Variants in SGCD observed in about 807,000 individuals in gnomAD.
SGCD encodes sarcoglycan delta, also known as delta-sarcoglycan.
SGCD carries 18 observed loss-of-function variants against 36.6 expected under a neutral mutation model. The ratio of observed to expected loss-of-function variants is 0.49; its 90% CI spans 0.34 to 0.73. The LOEUF is 0.73. Ranked by LOEUF, SGCD falls within the 30% of genes least tolerant of loss-of-function variation. The pLI is 0.01. For synonymous variants in SGCD, 133 were observed against 130.6 expected, an observed-to-expected ratio of 1.02 and a Z score of -0.12; for missense variants, 387 against 346.7, an observed-to-expected ratio of 1.12 and a Z score of -0.92.
At chr5:155,823,922 A>T in the SGCD span, among the ~76,000 whole-genome samples, 2 of 152,206 alleles carry the variant, frequency 1.3e-5, no homozygotes, top group Non-Finnish European at 1.5e-5. Context: ...CCGCATGAGG[A>T]CAGCTGGAAC....
chr5:156,717,656 A>G (rs922038773), intron 7 of SGCD, among the ~76,000 whole-genome samples: 1 of 152,082 alleles, frequency 6.6e-6, no homozygotes, highest in Non-Finnish European at 1.5e-5. Flanking sequence ...AACATATCCA[A>G]CCACCTCCAT....
intron 1 of SGCD, among the ~76,000 whole-genome samples, chr5:155,918,829 T>G (rs1355675520): frequency 6.6e-6 from 1 of 152,250 alleles, no homozygotes; most frequent in African/African-American, 2.4e-5. Context: ...GCCTAAATTT[T>G]CATGTTTTAT....
chr5:155,767,730 CTGT>C, the SGCD span, among the ~76,000 whole-genome samples: 1 of 152,176 alleles, frequency 6.6e-6, no homozygotes, highest in Admixed American at 6.5e-5. Context: ...CATGCATCAT[CTGT>C]TGTTCTGATT....
chr5:156,116,257 G>T (rs1761902868), intron 1 of SGCD, among the ~76,000 whole-genome samples: 1 of 151,904 alleles, frequency 6.6e-6, no homozygotes, highest in African/African-American at 2.4e-5. Context: ...TGATCTCATA[G>T]ATTTAAATAT....
intron 1 of SGCD, among the ~76,000 whole-genome samples, chr5:156,081,842 G>A (rs186519403): frequency 2.7e-3 from 410 of 152,236 alleles, no homozygotes; most frequent in Non-Finnish European, 3.9e-3. Flanking sequence ...TAATGTGCAC[G>A]GAGGATACAA....
intron 3 of SGCD, among the ~76,000 whole-genome samples, chr5:156,234,446 T>A (rs1320051974): frequency 1.3e-5 from 2 of 152,190 alleles, no homozygotes; most frequent in Non-Finnish European, 1.5e-5. Context: ...GAGGCTTGAC[T>A]CCTTCTCTAA....
rs117611392 is a variant in SGCD, at chr5:156,392,178, G to A, written c.192+47501G>A. Among the ~76,000 whole-genome samples, 117 of 152,286 alleles carry A rather than the reference G, an allele frequency of 7.7e-4. 2 individuals carry two copies. In the East Asian group the frequency reaches 0.017, roughly 22 times the overall value. ...CATCTCAGTATAACAGTGATAGATA[G>A]CAACAAGACACTCATATCTACCCCA... On this transcript the variant is annotated intron_variant, in intron 3 of 8. Coordinates refer to ENST00000337851, the MANE Select transcript of SGCD (RefSeq NM_000337.6).
At chr5:155,926,331 G>A (rs1756997548) in intron 1 of SGCD, among the ~76,000 whole-genome samples, 1 of 152,154 alleles carries the variant, frequency 6.6e-6, no homozygotes, top group Non-Finnish European at 1.5e-5. Context: ...TGTGCCGCCT[G>A]TGGCTGTTCA....
At chr5:156,537,812 G>T (rs547018398) in intron 4 of SGCD, among the ~76,000 whole-genome samples, 1 of 150,766 alleles carries the variant, frequency 6.6e-6, no homozygotes, top group Admixed American at 6.6e-5. Context: ...GAAAATGTTG[G>T]TATTCACCCA....
At chr5:156,355,873 G>A (rs889775265) in intron 3 of SGCD, among the ~76,000 whole-genome samples, 3 of 152,314 alleles carry the variant, frequency 2.0e-5, no homozygotes, top group Non-Finnish European at 4.4e-5. Flanking sequence ...CTGAACTCAA[G>A]TGATTTGCCT....
Position 156,588,530 on chromosome 5 carries a change from C to T in SGCD, c.295-701C>T, listed in dbSNP as rs574733233. ...TCAAGACTTTCAATAAAAAGTGTGC[C>T]AAGCCCTATTCTGAGTCATGCCCAG... is the stretch of plus-strand genomic sequence containing the variant. On this transcript the variant is annotated intron_variant, in intron 4 of 8. Transcript: ENST00000337851. 2.0e-5 allele frequency among the ~76,000 whole-genome samples: 3 copies of T among 152,250 alleles called. No homozygotes were observed. The South Asian group carries it at 6.2e-4, about 32-fold the overall frequency.
chr5:156,711,071 A>T lies in SGCD; in HGVS notation c.576-46510A>T, dbSNP rs1010609577. 5.3e-4 allele frequency among the ~76,000 whole-genome samples: 81 copies of T among 152,136 alleles called. 1 individual carries two copies. The highest frequency in any genetic ancestry group is 7.4e-5 in the Non-Finnish European group (5 of 68,022). On this transcript the variant is annotated intron_variant, in intron 7 of 8. Transcript: ENST00000337851. ...GGTCAGTCTTAAGATCTCTGTTTTAATGTTAATACTGGTCAGTTGTCCCTG... is the reference window on the plus strand; with the variant it reads ...GGTCAGTCTTAAGATCTCTGTTTTATTGTTAATACTGGTCAGTTGTCCCTG...
intron 5 of SGCD, among the ~76,000 whole-genome samples, chr5:156,592,381 T>G (rs1760760121): frequency 6.6e-6 from 1 of 152,138 alleles, no homozygotes; most frequent in Non-Finnish European, 1.5e-5. Flanking sequence ...GACAATATAA[T>G]ATAGATTTTA....
intron 3 of SGCD, among the ~76,000 whole-genome samples, chr5:156,310,523 G>A (rs1767364738): frequency 1.3e-5 from 2 of 152,280 alleles, no homozygotes; most frequent in Non-Finnish European, 1.5e-5. Context: ...AGCTGAAATT[G>A]ACCAAAATTA....
intron 4 of SGCD, among the ~76,000 whole-genome samples, chr5:156,572,658 G>T (rs1348345526): frequency 6.6e-6 from 1 of 152,110 alleles, no homozygotes; most frequent in Non-Finnish European, 1.5e-5. Context: ...CAAAGTATCT[G>T]ATCATATAGC....
intron 1 of SGCD, among the ~76,000 whole-genome samples, chr5:155,939,865 G>A (rs1047983280): frequency 5.5e-5 from 8 of 145,012 alleles, no homozygotes; most frequent in African/African-American, 1.5e-4. Context: ...ACGGAGTCTC[G>A]CTCTGTCACC....
chr5:156,625,243 G>T (rs556583271), intron 6 of SGCD, among the ~76,000 whole-genome samples: 7 of 152,100 alleles, frequency 4.6e-5, no homozygotes, highest in Non-Finnish European at 1.0e-4. Flanking sequence ...GGGTGCCTTT[G>T]TCAAGCTATT....
chr5:155,917,154 TAA>T (rs1275168334), intron 1 of SGCD, among the ~76,000 whole-genome samples: 1 of 152,200 alleles, frequency 6.6e-6, no homozygotes, highest in Non-Finnish European at 1.5e-5. Context: ...GCACCACTCT[TAA>T]GTTTCCAGTG....
Position 156,072,022 on chromosome 5 carries a change from G to C in SGCD, c.-281-45856G>C, listed in dbSNP as rs528166916. Among the ~76,000 whole-genome samples, 10 of 152,190 alleles carry C rather than the reference G, an allele frequency of 6.6e-5. No homozygotes were observed. The South Asian group carries it at 1.9e-3, about 28-fold the overall frequency. On this transcript the variant is annotated intron_variant, in intron 1 of 9. Transcript: ENST00000517913. ...ATCCTTTTATTTTGTGCCTATGTGCGTCTCTGCACGTGAGATGGGTTTCCT... is the reference window on the plus strand; with the variant it reads ...ATCCTTTTATTTTGTGCCTATGTGCCTCTCTGCACGTGAGATGGGTTTCCT...
Sources: allele counts gnomAD v4.1 joint callset (sites outside exome capture counted in the v4.1 genomes callset), GRCh38; gene constraint gnomAD v4.1.1; transcripts MANE v1.5; gene names NCBI Gene and HGNC (gene_info 2026-07-23, HGNC 2026-07-21).